CPEB1: variants seen among roughly 807,000 people sequenced by gnomAD.
The protein encoded by CPEB1 is cytoplasmic polyadenylation element binding protein 1.
In CPEB1, 7 loss-of-function variants were observed where a neutral mutation model predicts 65.8. That is an observed-to-expected ratio of 0.11 (90% CI 0.06 to 0.20). The LOEUF is 0.20. Among genes scored for constraint, CPEB1 ranks in the 10% least tolerant of loss-of-function variants. CPEB1 has a pLI of 1.00. For synonymous variants in CPEB1, 262 were observed against 260.0 expected, an observed-to-expected ratio of 1.01 and a Z score of -0.08; for missense variants, 551 against 712.2, an observed-to-expected ratio of 0.77 and a Z score of 2.58.
intron 11 of CPEB1, 58 bp from the exon 12 acceptor site, chr15:82,546,579 G>A (rs2035255560): frequency 2.3e-6 from 3 of 1,293,938 alleles, no homozygotes; most frequent in Admixed American, 3.4e-5. Context: ...GGCTCGATAG[G>A]CGATAGAAGA....
intron 3 of CPEB1, among the ~76,000 whole-genome samples, chr15:82,626,633 A>G (rs544009987): frequency 6.6e-6 from 1 of 152,318 alleles, no homozygotes; most frequent in South Asian, 2.1e-4. Context: ...CAATAGATAC[A>G]GAAACTAAAT....
At chr15:82,586,808 G>A (rs543070934) in intron 3 of CPEB1, among the ~76,000 whole-genome samples, 3 of 152,168 alleles carry the variant, frequency 2.0e-5, no homozygotes, top group Non-Finnish European at 4.4e-5. Context: ...AATTCAAGAC[G>A]ATTACTATTC....
chr15:82,548,990 A>C (rs2035779394), intron 10 of CPEB1, among the ~76,000 whole-genome samples: 2 of 152,276 alleles, frequency 1.3e-5, no homozygotes, highest in Admixed American at 1.3e-4. Flanking sequence ...GAGTTAGGAA[A>C]GCACAGGCCA....
chr15:82,558,260 G>C (rs896100360), intron 4 of CPEB1, among the ~76,000 whole-genome samples: 1 of 152,174 alleles, frequency 6.6e-6, no homozygotes, highest in Non-Finnish European at 1.5e-5. Flanking sequence ...GGCTTAAAAG[G>C]TCAATGCCAG....
chr15:82,645,437 G>A (rs1456768675), intron 1 of CPEB1, among the ~76,000 whole-genome samples: 2 of 152,154 alleles, frequency 1.3e-5, no homozygotes, highest in African/African-American at 4.8e-5. Flanking sequence ...AAAGGCGTGA[G>A]TCATGGGGCC....
At chr15:82,628,296 G>A (rs1209687019) in intron 2 of CPEB1, 68 bp downstream of exon 2, 5 of 701,866 alleles carry the variant, frequency 7.1e-6, no homozygotes, top group Non-Finnish European at 1.3e-5. Flanking sequence ...CTGTAGATAT[G>A]ACAAAAAAAG....
intron 1 of CPEB1, among the ~76,000 whole-genome samples, chr15:82,641,357 A>T (rs771994891): frequency 2.6e-5 from 4 of 152,196 alleles, no homozygotes; most frequent in Non-Finnish European, 2.9e-5. Context: ...CACAGGTGTT[A>T]AGTAGTAAGA....
rs147136767 is a variant in CPEB1, at chr15:82,608,585, T to C, written c.271+18608A>G. ...TGTTGTTCTTACCAAGATTCAGCTATCTTGTTTTTAGTTTTTAAACAAATA... is the reference window on the plus strand; with the variant it reads ...TGTTGTTCTTACCAAGATTCAGCTACCTTGTTTTTAGTTTTTAAACAAATA... On this transcript the variant is annotated intron_variant, in intron 3 of 12. Transcript: ENST00000684509. Among the ~76,000 whole-genome samples the C allele has an allele frequency of 1.6e-4, 24 of 152,326 alleles. No individual in the cohort carries two copies. In the East Asian group the frequency reaches 2.7e-3, roughly 17 times the overall value.
At chr15:82,618,094 TAAA>T (rs961633937) in intron 3 of CPEB1, among the ~76,000 whole-genome samples, 1 of 145,324 alleles carries the variant, frequency 6.9e-6, no homozygotes, top group Non-Finnish European at 1.5e-5. Context: ...GTAAGCTTAT[TAAA>T]AAAAAAAAGA....
intron 1 of CPEB1, among the ~76,000 whole-genome samples, chr15:82,635,232 T>C (rs187695627): frequency 7.9e-5 from 12 of 152,318 alleles, no homozygotes; most frequent in Admixed American, 3.3e-4. Context: ...GCATATTCTA[T>C]TACGATTTTG....
intron 1 of CPEB1, 22 bp downstream of exon 1, chr15:82,647,115 C>T (rs1459185274): frequency 6.5e-6 from 1 of 152,812 alleles, no homozygotes; most frequent in Non-Finnish European, 1.5e-5. Context: ...CTAACCCTCT[C>T]CCGCCCATGA....
intron 3 of CPEB1, among the ~76,000 whole-genome samples, chr15:82,574,023 G>A (rs1567193702): frequency 6.6e-6 from 1 of 152,038 alleles, no homozygotes; most frequent in African/African-American, 2.4e-5. Flanking sequence ...ACCCCAAGCT[G>A]AAAGACCCCA....
chr15:82,561,196 G>T (rs2038130340), intron 4 of CPEB1, among the ~76,000 whole-genome samples: 2 of 152,188 alleles, frequency 1.3e-5, no homozygotes, highest in African/African-American at 4.8e-5. Context: ...TGAGAAGTCT[G>T]AAATATTAGA....
chr15:82,564,685 A>G (rs1445692472), intron 4 of CPEB1, among the ~76,000 whole-genome samples: 2 of 152,210 alleles, frequency 1.3e-5, no homozygotes, highest in African/African-American at 4.8e-5. Context: ...ACAGAGGTTT[A>G]AAAACCAGTG....
In CPEB1 at chr15:82,571,411, C is replaced by G; in HGVS notation, c.393G>C (p.Leu131=). 6.2e-7 allele frequency: 1 copy of G among 1,614,130 alleles called. No individual in the cohort carries two copies. The highest frequency in any genetic ancestry group is 1.7e-5 in the Admixed American group (1 of 60,014). Residue 131 remains leucine, a synonymous_variant, in exon 4 of 13, where the codon CTG becomes CTC. Transcript: ENST00000684509. The stretch of plus-strand genomic sequence containing the variant: ...TGCTCCAGGGTCGGTCCCAGCCTGT[C>G]AGACTGAGGGACTGCAGGCCAAGGC... ...DLCLGLQSLS[L]TGWDRPWSTQ... is the part of the protein sequence containing the mutation.
At chr15:82,609,640 A>T (rs935013951) in intron 3 of CPEB1, among the ~76,000 whole-genome samples, 7 of 149,960 alleles carry the variant, frequency 4.7e-5, no homozygotes, top group African/African-American at 1.7e-4. Flanking sequence ...AAAAACTATA[A>T]AAAAAAAAAA....
intron 1 of CPEB1, among the ~76,000 whole-genome samples, chr15:82,642,042 T>C (rs889587398): frequency 2.0e-5 from 3 of 152,250 alleles, no homozygotes; most frequent in African/African-American, 7.2e-5. Flanking sequence ...AAATATTACA[T>C]CATACATGTT....
At chr15:82,639,819 C>CA (rs1409506828) in intron 1 of CPEB1, among the ~76,000 whole-genome samples, 1 of 151,858 alleles carries the variant, frequency 6.6e-6, no homozygotes, top group East Asian at 1.9e-4. Flanking sequence ...GCTACCTATT[C>CA]AACCAGTCCT....
intron 3 of CPEB1, among the ~76,000 whole-genome samples, chr15:82,616,664 TC>T (rs1375914895): frequency 6.6e-6 from 1 of 151,802 alleles, no homozygotes; most frequent in Non-Finnish European, 1.5e-5. Context: ...TGCCTCAGCC[TC>T]CCAAGTAGCT....
Sources: gnomAD v4.1 joint callset for allele counts (sites outside exome capture counted in the v4.1 genomes callset) on GRCh38, gnomAD v4.1.1 for gene constraint, MANE v1.5 for transcripts, NCBI Gene and HGNC (gene_info 2026-07-23, HGNC 2026-07-21) for gene names.